The following ELMO1 variants were observed in gnomAD, a reference collection of about 807,000 sequenced individuals.
The protein encoded by ELMO1 is engulfment and cell motility protein 1.
Under a neutral mutation model 98.9 loss-of-function variants are expected in ELMO1, and 26 were observed. The ratio of observed to expected loss-of-function variants is 0.26; its 90% CI spans 0.19 to 0.36. The LOEUF (loss-of-function observed/expected upper bound fraction) is 0.36. Among genes scored for constraint, ELMO1 ranks in the 10% least tolerant of loss-of-function variants. ELMO1 has a pLI of 1.00. For missense variants in ELMO1, 627 were observed against 935.2 expected (o/e 0.67, Z 4.30); for synonymous variants, 346 against 346.0 (o/e 1.00, Z 0.00).
intron 18 of ELMO1, 102 bp from the exon 19 acceptor site, chr7:36,878,219 C>T (rs541106687): frequency 1.1e-4 from 92 of 852,628 alleles, no homozygotes; most frequent in Non-Finnish European, 1.7e-4. Flanking sequence ...ACAAGCAGTT[C>T]ATTTGATTTT....
chr7:36,954,269 A>G (rs1788255378), intron 16 of ELMO1, among the ~76,000 whole-genome samples: 1 of 152,128 alleles, frequency 6.6e-6, no homozygotes, highest in Non-Finnish European at 1.5e-5. Flanking sequence ...AAAGTAAGGG[A>G]ATTAATGGGG....
At chr7:37,115,632 G>A (rs1323478304) in intron 14 of ELMO1, among the ~76,000 whole-genome samples, 2 of 152,054 alleles carry the variant, frequency 1.3e-5, no homozygotes, top group African/African-American at 4.8e-5. Context: ...AAAACTTATG[G>A]CTAACATCAT....
At chr7:37,091,173 T>C (rs562778989) in intron 15 of ELMO1, among the ~76,000 whole-genome samples, 155 of 152,270 alleles carry the variant, frequency 1.0e-3, no homozygotes, top group African/African-American at 3.6e-3. Flanking sequence ...AATGGGGCAA[T>C]ATCGACTCAC....
chr7:37,008,809 G>T (rs193067111), intron 16 of ELMO1, among the ~76,000 whole-genome samples: 19 of 152,274 alleles, frequency 1.2e-4, no homozygotes, highest in Admixed American at 1.2e-3. Context: ...ACAGTAGCTT[G>T]TGATAAGTAT....
intron 4 of ELMO1, among the ~76,000 whole-genome samples, chr7:37,286,194 C>T (rs565443518): frequency 3.3e-5 from 5 of 152,228 alleles, no homozygotes; most frequent in South Asian, 2.1e-4. Context: ...GAGATAAAAA[C>T]ATTTACAGCT....
chr7:37,224,538 T>C (rs1024748263), intron 9 of ELMO1, among the ~76,000 whole-genome samples: 5 of 152,184 alleles, frequency 3.3e-5, no homozygotes, highest in African/African-American at 1.2e-4. Flanking sequence ...ACTTACATGG[T>C]TTAAGAAAGA....
chr7:36,994,342 G>GGCTATT (rs1199196302), intron 16 of ELMO1, among the ~76,000 whole-genome samples: 2 of 152,054 alleles, frequency 1.3e-5, no homozygotes, highest in Non-Finnish European at 2.9e-5. Context: ...TATGTGCTAT[G>GGCTATT]GCTATTGCAC....
intron 15 of ELMO1, among the ~76,000 whole-genome samples, chr7:37,092,915 C>CTT (rs79327023): frequency 0.031 from 4,259 of 137,010 alleles, 213 homozygotes; most frequent in African/African-American, 0.11. Context: ...CTTTCTTTTT[C>CTT]TTTTTTTTTT....
intron 20 of ELMO1, among the ~76,000 whole-genome samples, chr7:36,864,489 A>C (rs567810111): frequency 6.6e-6 from 1 of 152,308 alleles, no homozygotes; most frequent in East Asian, 1.9e-4. Context: ...TGTCTGTGTT[A>C]AAGGGTGTTA....
intron 16 of ELMO1, among the ~76,000 whole-genome samples, chr7:36,963,002 C>T (rs73117505): frequency 0.027 from 4,087 of 152,268 alleles, 90 homozygotes; most frequent in Middle Eastern, 0.075. Flanking sequence ...TAATAGCGTA[C>T]AACTGAGAAC....
intron 14 of ELMO1, among the ~76,000 whole-genome samples, chr7:37,130,846 G>A (rs576640777): frequency 7.2e-5 from 11 of 151,998 alleles, no homozygotes; most frequent in African/African-American, 2.4e-4. Context: ...CTATATTCAG[G>A]TACAGAATAA....
intron 1 of ELMO1, among the ~76,000 whole-genome samples, chr7:37,363,431 G>A (rs996243648): frequency 4.6e-5 from 7 of 151,968 alleles, no homozygotes; most frequent in African/African-American, 9.7e-5. Flanking sequence ...AACATGGCCC[G>A]CAAAGGCCTG....
At position 36,887,606 on chromosome 7, in the gene ELMO1, A is replaced by T; in HGVS notation, c.1668T>A (p.Leu556=). The change falls in exon 18 of 22, where the codon CTT becomes CTA. Residue 556 remains leucine (L), a synonymous_variant. Transcript: ENST00000310758. The part of the protein sequence containing the change: ...ELIKQQRLNR[L]VEGTCFRKLN... The stretch of plus-strand genomic sequence containing the variant: ...GTTTCCTAAAGCAGGTCCCTTCCAC[A>T]AGGCGGTTCAGGCGTTGCTGTTTGA... The T allele has an allele frequency of 1.2e-6, 2 of 1,614,068 alleles. No homozygotes were observed. The highest frequency in any genetic ancestry group is 1.7e-6 in the Non-Finnish European group (2 of 1,179,950).
chr7:37,170,095 G>A (rs879773459), intron 13 of ELMO1, among the ~76,000 whole-genome samples: 16 of 152,140 alleles, frequency 1.1e-4, no homozygotes, highest in Non-Finnish European at 2.1e-4. Context: ...AGTAAAGACA[G>A]GGTTTCACCA....
At chr7:36,888,855 G>A (rs534689941) in intron 17 of ELMO1, among the ~76,000 whole-genome samples, 18 of 152,346 alleles carry the variant, frequency 1.2e-4, no homozygotes, top group Non-Finnish European at 1.6e-4. Flanking sequence ...ATTCTGAGGT[G>A]AGAAAGGTAC....
intron 18 of ELMO1, among the ~76,000 whole-genome samples, chr7:36,885,762 C>G (rs1261493766): frequency 2.6e-5 from 4 of 152,154 alleles, no homozygotes; most frequent in African/African-American, 9.7e-5. Context: ...TGTGTCCTTC[C>G]TAAAGACACC....
chr7:37,041,129 G>A (rs978143691), intron 15 of ELMO1, among the ~76,000 whole-genome samples: 2 of 151,890 alleles, frequency 1.3e-5, no homozygotes, highest in Non-Finnish European at 2.9e-5. Context: ...TATGGGAGTA[G>A]GAAGTTGAGA....
chr7:37,098,333 T>C (rs763346640), intron 14 of ELMO1, among the ~76,000 whole-genome samples: 7 of 152,208 alleles, frequency 4.6e-5, no homozygotes, highest in South Asian at 4.1e-4. Context: ...TTCATTCTAA[T>C]TGAAGGACAC....
intron 4 of ELMO1, among the ~76,000 whole-genome samples, chr7:37,301,516 C>T (rs974994648): frequency 2.6e-5 from 4 of 152,116 alleles, no homozygotes; most frequent in South Asian, 2.1e-4. Flanking sequence ...CCTTGACTTA[C>T]GCCATTCCCA....
Sources: allele counts gnomAD v4.1 joint callset (sites outside exome capture counted in the v4.1 genomes callset), GRCh38; gene constraint gnomAD v4.1.1; transcripts MANE v1.5; gene names NCBI Gene and HGNC (gene_info 2026-07-23, HGNC 2026-07-21).